The following PIBF1 variants were observed in gnomAD, a reference collection of about 807,000 sequenced individuals.
PIBF1 encodes progesterone-induced-blocking factor 1.
PIBF1 carries 90 observed loss-of-function variants against 112.5 expected under a neutral mutation model. That is an observed-to-expected ratio of 0.80 (90% CI 0.67 to 0.95). PIBF1 has a LOEUF of 0.95. Ranked by LOEUF, PIBF1 falls within the 40% of genes least tolerant of loss-of-function variation. The pLI, the probability that PIBF1 is intolerant of heterozygous loss-of-function variation, is 0.00. For missense variants in PIBF1, 915 were observed against 852.3 expected (o/e 1.07, Z -0.92); for synonymous variants, 301 against 288.6 (o/e 1.04, Z -0.44).
intron 14 of PIBF1, among the ~76,000 whole-genome samples, chr13:72,939,377 A>G (rs920639571): frequency 2.0e-5 from 3 of 152,164 alleles, no homozygotes; most frequent in Non-Finnish European, 2.9e-5. Flanking sequence ...TAAGCACTTA[A>G]TACCCACTCC....
intron 5 of PIBF1, among the ~76,000 whole-genome samples, chr13:72,820,140 T>C (rs985393093): frequency 6.6e-6 from 1 of 152,146 alleles, no homozygotes; most frequent in Admixed American, 6.6e-5. Flanking sequence ...ATAAGCACTT[T>C]ACATGTATTA....
In PIBF1 at chr13:72,994,704, G is replaced by C. The variant is rs147915151; in HGVS notation, c.2050-4118G>C. On this transcript the variant is annotated intron_variant, in intron 16 of 17. Coordinates refer to ENST00000326291, the MANE Select transcript of PIBF1 (RefSeq NM_006346.4). ...AGCGGAATCTGAAATACGAGATGAA[G>C]CCAATACCCAGAAGCCAGACACAGG... Among the ~76,000 whole-genome samples the C allele has an allele frequency of 1.4e-3, 217 of 152,262 alleles. 2 individuals are homozygous for C. The East Asian group carries it at 0.028, about 19-fold the overall frequency.
At chr13:72,853,976 A>T (rs2038292275) in intron 9 of PIBF1, 81 bp from the exon 10 acceptor site, 1 of 1,081,138 alleles carries the variant, frequency 9.2e-7, no homozygotes, top group Non-Finnish European at 1.4e-6. Context: ...GGTCCTTAAG[A>T]TTGTCAGATA....
chr13:72,945,254 A>G (rs749443076), intron 14 of PIBF1, among the ~76,000 whole-genome samples: 3 of 152,268 alleles, frequency 2.0e-5, no homozygotes, highest in East Asian at 1.9e-4. Flanking sequence ...ATAGTATCCC[A>G]TGGTGTATAT....
chr13:72,938,908 T>G (rs760248521), intron 14 of PIBF1, among the ~76,000 whole-genome samples: 30 of 152,236 alleles, frequency 2.0e-4, no homozygotes, highest in Non-Finnish European at 3.8e-4. Flanking sequence ...TGCATTTCTC[T>G]AATTAGGTTA....
At chr13:72,874,392 T>A (rs1330250078) in intron 10 of PIBF1, among the ~76,000 whole-genome samples, 1 of 152,226 alleles carries the variant, frequency 6.6e-6, no homozygotes, top group Non-Finnish European at 1.5e-5. Flanking sequence ...CATGGAATAC[T>A]ACATAGCAAT....
intron 12 of PIBF1, among the ~76,000 whole-genome samples, chr13:72,916,414 A>ATATACT (rs367708260): frequency 6.7e-6 from 1 of 148,952 alleles, no homozygotes; most frequent in African/African-American, 2.5e-5. Context: ...ATATATATAT[A>ATATACT]TTTTTTTAAT....
rs143644781 is a variant in PIBF1 at position 72,931,227 on chromosome 13, T to G, written c.1793T>G (p.Leu598Arg). Residue 598 changes from leucine (L) to arginine (R), a missense_variant, in exon 14 of 18, where the codon CTG becomes CGG. By Grantham distance (102) the Leu-to-Arg change is moderately radical (BLOSUM62 -2). Coordinates refer to ENST00000326291, the MANE Select transcript of PIBF1 (RefSeq NM_006346.4). ...EKQNSLILKD[L>R]EHRKDQVTQL... ...CAAAACTCGCTGATTTTAAAAGATC[T>G]GGAACATCGAAAGGACCAAGTAACA... 2.6e-3 allele frequency: 4,213 copies of G among 1,613,074 alleles called. 11 individuals are homozygous for G. Among genetic ancestry groups the G allele is most frequent in the Non-Finnish European group, 3.3e-3 (3,847 of 1,179,344 alleles).
At chr13:72,912,521 A>G (rs552481444) in intron 12 of PIBF1, among the ~76,000 whole-genome samples, 1 of 152,348 alleles carries the variant, frequency 6.6e-6, no homozygotes, top group South Asian at 2.1e-4. Context: ...AAGACTGACT[A>G]TACCAAATGT....
intron 10 of PIBF1, among the ~76,000 whole-genome samples, chr13:72,868,891 C>T (rs1001105565): frequency 1.4e-5 from 2 of 145,926 alleles, no homozygotes; most frequent in African/African-American, 2.5e-5. Context: ...TGTACCCTAA[C>T]TAAATATTAA....
rs368122311 is a variant in PIBF1, at chr13:72,917,179, T to C, written c.1730+13T>C. ...GACTAAAGCAAAGGTAAAATCAATA[T>C]ATATTTATTTTATTTATCTACTCAA... On this transcript the variant is annotated intron_variant, in intron 13 of 17. Coordinates refer to ENST00000326291, the MANE Select transcript of PIBF1 (RefSeq NM_006346.4). The C allele has an allele frequency of 4.4e-5, 66 of 1,483,614 alleles. 1 individual carries two copies. The African/African-American group carries it at 6.5e-4, about 15-fold the overall frequency. The allele number at this position is 1,483,614 out of a possible 1,614,324, so 91.9% of individuals were successfully genotyped here.
chr13:72,891,593 C>G (rs895789054), intron 10 of PIBF1, among the ~76,000 whole-genome samples: 4 of 152,130 alleles, frequency 2.6e-5, no homozygotes, highest in African/African-American at 7.2e-5. Flanking sequence ...AATTGGCACC[C>G]TCGTTACTGC....
chr13:72,953,863 A>C (rs9530121), intron 14 of PIBF1, among the ~76,000 whole-genome samples: 15,602 of 152,156 alleles, frequency 0.1, 1,081 homozygotes, highest in Non-Finnish European at 0.15. Context: ...TACCCAGGGC[A>C]GGCACTCTGG....
intron 15 of PIBF1, among the ~76,000 whole-genome samples, chr13:72,971,176 CAG>C (rs1253923846): frequency 4.5e-5 from 6 of 132,860 alleles, no homozygotes; most frequent in Non-Finnish European, 8.0e-5. Context: ...GTATTTGAAA[CAG>C]AGAGTGAGTG....
At position 72,854,167 on chromosome 13, in the gene PIBF1, A is replaced by G. The variant is rs755908852; in HGVS notation, c.1322+12A>G. The G allele has an allele frequency of 2.0e-6, 3 of 1,526,578 alleles. No homozygotes were observed. Among genetic ancestry groups the G allele is most frequent in the African/African-American group, 2.7e-5 (2 of 73,116 alleles). The allele number at this position is 1,526,578 out of a possible 1,614,324, so 94.6% of individuals were successfully genotyped here. ...CAGCTCTTAGACAGGTAAGCATCAT[A>G]AAAATAGAAATGTTAAAACTCTTCC... On this transcript the variant is annotated intron_variant, in intron 10 of 17. Transcript: ENST00000326291.
intron 5 of PIBF1, among the ~76,000 whole-genome samples, chr13:72,799,745 A>G (rs2035380409): frequency 6.6e-6 from 1 of 152,188 alleles, no homozygotes; most frequent in African/African-American, 2.4e-5. Context: ...ACAAGGTCTT[A>G]GCGTTGGTTC....
intron 6 of PIBF1, among the ~76,000 whole-genome samples, chr13:72,826,157 G>A (rs1158434494): frequency 4.6e-5 from 7 of 151,162 alleles, no homozygotes; most frequent in Middle Eastern, 3.4e-3. Context: ...AAATAAAAAA[G>A]CACAAAATAC....
At chr13:72,811,085 C>A (rs969886990) in intron 5 of PIBF1, among the ~76,000 whole-genome samples, 3 of 152,098 alleles carry the variant, frequency 2.0e-5, no homozygotes, top group African/African-American at 7.2e-5. Flanking sequence ...TGGTCTTGAT[C>A]TCCTGACCTC....
rs2034458953 is a variant in PIBF1, at chr13:72,784,107, G to A, written c.252+386G>A. 2.6e-5 allele frequency among the ~76,000 whole-genome samples: 4 copies of A among 151,210 alleles called. No individual in the cohort carries two copies. In the South Asian group the frequency reaches 8.3e-4, roughly 31 times the overall value. ...CTCATTACTAAAATAACTATGTGAG[G>A]TAAAACATTTTTTAATTAGCTAGAG... is the stretch of plus-strand genomic sequence containing the variant. On this transcript the variant is annotated intron_variant, in intron 2 of 17. Transcript: ENST00000326291.
Sources: gnomAD v4.1 joint callset for allele counts (sites outside exome capture counted in the v4.1 genomes callset) on GRCh38, gnomAD v4.1.1 for gene constraint, MANE v1.5 for transcripts, NCBI Gene and HGNC (gene_info 2026-07-23, HGNC 2026-07-21) for gene names.